Variants in MED14 observed in about 807,000 individuals in gnomAD.
MED14 encodes the protein mediator complex subunit 14.
A neutral mutation model predicts 109.0 loss-of-function variants in MED14; 8 were observed. The observed-to-expected ratio is 0.07, with a 90% confidence interval of 0.04 to 0.13. MED14 has a LOEUF of 0.13. MED14 is among the 10% of genes least tolerant of loss of function. The pLI is 1.00. For synonymous variants in MED14, 399 were observed against 408.7 expected (o/e 0.98, Z 0.29); for missense variants, 711 against 1,142.4 (o/e 0.62, Z 5.44).
chrX:40,727,148 T>C (rs753735694), intron 2 of MED14, among the ~76,000 whole-genome samples: 34 of 112,151 alleles, frequency 3.0e-4, no homozygotes, highest in African/African-American at 1.1e-3. Context: ...CTAAATTCAG[T>C]ATATGGTGGT....
rs527749505 is a variant in MED14, at chrX:40,654,563, A to G, written c.4099-7T>C. ...TTTTCTGAGTTAGTTGAAGCTGTAT[A>G]CACACAACACACACAAAGAGAATAA... On this transcript the variant is annotated splice_polypyrimidine_tract_variant and splice_region_variant and intron_variant, in intron 29 of 30. Coordinates refer to ENST00000324817, the MANE Select transcript of MED14 (RefSeq NM_004229.4). 4.2e-6 allele frequency: 5 copies of G among 1,195,249 alleles called. No individual in the cohort carries two copies. Among genetic ancestry groups the G allele is most frequent in the African/African-American group, 3.5e-5 (2 of 57,492 alleles).
At chrX:40,700,618 T>C (rs1202755941) in intron 12 of MED14, among the ~76,000 whole-genome samples, 1 of 110,913 alleles carries the variant, frequency 9.0e-6, no homozygotes, top group African/African-American at 3.3e-5. Context: ...AAAGAGTTTG[T>C]TAGAGTTGCT....
chrX:40,659,876 G>T (rs1929198608), intron 26 of MED14: 1 of 243,340 alleles, frequency 4.1e-6, no homozygotes, highest in East Asian at 7.5e-5. Context: ...GCAGTAGTTT[G>T]ATCCAGAGGA....
At chrX:40,699,691 A>G (rs1322198569) in intron 12 of MED14, among the ~76,000 whole-genome samples, 1 of 112,343 alleles carries the variant, frequency 8.9e-6, no homozygotes, top group African/African-American at 3.2e-5. Context: ...AGGATATTTA[A>G]ACCTTGCTTA....
At chrX:40,684,147 T>C (rs1017931899) in intron 16 of MED14, among the ~76,000 whole-genome samples, 3 of 112,056 alleles carry the variant, frequency 2.7e-5, no homozygotes, top group African/African-American at 6.5e-5. Flanking sequence ...ATTCAGAATA[T>C]AACAAAGTTT....
intron 13 of MED14, among the ~76,000 whole-genome samples, chrX:40,696,355 T>C (rs1352282510): frequency 9.1e-6 from 1 of 109,420 alleles, no homozygotes; most frequent in Non-Finnish European, 1.9e-5. Context: ...TTAGCCAGGA[T>C]GGTCTCAATC....
Position 40,651,273 on chromosome X carries a change from T to C in MED14, c.*533A>G, listed in dbSNP as rs1002050013. 2.7e-6 allele frequency: 2 copies of C among 753,047 alleles called. No individual in the cohort carries two copies. The highest frequency in any genetic ancestry group is 1.8e-4 in the Admixed American group (2 of 11,402). The allele number at this position is 753,047 out of a possible 1,213,427, so 62.1% of individuals were successfully genotyped here. A position where few individuals can be genotyped will look rare whatever the true frequency, so the allele number is the denominator to read the frequency against. ...TACACACAAGTGAGTGTCACTGTTT[T>C]GTTTTGTTTTTGACCTAGTTTTATT... is the stretch of plus-strand genomic sequence containing the variant. On this transcript the variant is annotated 3_prime_UTR_variant, in exon 31 of 31. Coordinates refer to ENST00000324817, the MANE Select transcript of MED14 (RefSeq NM_004229.4).
At chrX:40,700,247 T>G (rs1483690166) in intron 12 of MED14, among the ~76,000 whole-genome samples, 2 of 107,126 alleles carry the variant, frequency 1.9e-5, no homozygotes, top group African/African-American at 6.8e-5. Flanking sequence ...TCCCAGCTAC[T>G]TAGGAGGCTG....
At chrX:40,670,767 C>CA (rs35103655) in intron 23 of MED14, among the ~76,000 whole-genome samples, 3,124 of 79,131 alleles carry the variant, frequency 0.039, 167 homozygotes, top group African/African-American at 0.15. Flanking sequence ...GACTCTGTCT[C>CA]AAAAAAAAAA....
chrX:40,659,207 T>A lies in MED14; in HGVS notation c.3972+20A>T. 9.2e-7 allele frequency: 1 copy of A among 1,082,229 alleles called. No homozygotes were observed. The highest frequency in any genetic ancestry group is 1.2e-6 in the Non-Finnish European group (1 of 808,559). 89.2% of individuals were successfully genotyped at this position (1,082,229 alleles called of 1,213,427 possible). A position where few individuals can be genotyped will look rare whatever the true frequency, so the allele number is the denominator to read the frequency against. Reference sequence around the variant, plus strand: ...CTCCTCAAACAAACCTTGCTAGAAATGTATATCTCTGTGACTTACCAGCTC... The same window carrying A: ...CTCCTCAAACAAACCTTGCTAGAAAAGTATATCTCTGTGACTTACCAGCTC... On this transcript the variant is annotated intron_variant, in intron 28 of 30. Transcript: ENST00000324817.
intron 2 of MED14, among the ~76,000 whole-genome samples, chrX:40,727,123 G>T (rs1345819780): frequency 8.9e-6 from 1 of 111,962 alleles, no homozygotes; most frequent in Non-Finnish European, 1.9e-5. Context: ...AATAAAAGTT[G>T]TTTACAAAAA....
At chrX:40,708,389 A>AT (rs1246865861) in intron 10 of MED14, among the ~76,000 whole-genome samples, 4 of 111,497 alleles carry the variant, frequency 3.6e-5, no homozygotes, top group African/African-American at 6.5e-5. Context: ...CCTTCAGGCA[A>AT]TTTTTTAAAA....
At chrX:40,679,172 A>T (rs771961932) in intron 21 of MED14, among the ~76,000 whole-genome samples, 3 of 111,898 alleles carry the variant, frequency 2.7e-5, no homozygotes, top group Non-Finnish European at 5.6e-5. Context: ...GGTTACTGTG[A>T]TTCTAGCACT....
intron 10 of MED14, among the ~76,000 whole-genome samples, 183 bp from the exon 11 acceptor site, chrX:40,703,752 G>A (rs996700729): frequency 1.8e-5 from 2 of 112,270 alleles, no homozygotes; most frequent in Non-Finnish European, 3.8e-5. Flanking sequence ...AGGAAAGAAT[G>A]TAATTTTCAA....
chrX:40,720,478 C>T (rs952296406), intron 3 of MED14, among the ~76,000 whole-genome samples: 9 of 111,992 alleles, frequency 8.0e-5, no homozygotes, highest in Non-Finnish European at 1.7e-4. Context: ...AATTGCCCAT[C>T]GCAGCGGTTG....
intron 4 of MED14, among the ~76,000 whole-genome samples, chrX:40,714,136 T>C (rs1931432798): frequency 8.9e-6 from 1 of 111,837 alleles, no homozygotes; most frequent in East Asian, 2.8e-4. Context: ...TAATGCTCTA[T>C]TTATAAACCA....
chrX:40,709,436 T>G lies in MED14; in HGVS notation c.1197A>C (p.Lys399Asn), dbSNP rs774500049. ...AMKIDHLSIE[K>N]LLIDSVHARA... is the part of the protein sequence containing the mutation. ...TTGCATGGACACTGTCAATCAGGAGTTTTTCTATTGATAAGTGGTCGATCT... is the reference window on the plus strand; with the variant it reads ...TTGCATGGACACTGTCAATCAGGAGGTTTTCTATTGATAAGTGGTCGATCT... The change falls in exon 10 of 31, where the codon AAA becomes AAC. Residue 399 changes from lysine (K) to asparagine (N), a missense_variant. Physicochemically the swap from Lys to Asn is moderately conservative, Grantham distance 94. Transcript: ENST00000324817. The G allele has an allele frequency of 8.9e-7, 1 of 1,126,163 alleles. No individual in the cohort carries two copies. The highest frequency in any genetic ancestry group is 2.2e-5 in the South Asian group (1 of 45,348). 92.8% of individuals were successfully genotyped at this position (1,126,163 alleles called of 1,213,427 possible).
intron 13 of MED14, among the ~76,000 whole-genome samples, chrX:40,696,582 A>G (rs1930734616): frequency 8.9e-6 from 1 of 112,004 alleles, no homozygotes; most frequent in South Asian, 3.7e-4. Flanking sequence ...CTGTGCACTA[A>G]AAGGAACACA....
chrX:40,690,046 GC>G (rs1180207104), intron 15 of MED14, among the ~76,000 whole-genome samples: 1 of 112,067 alleles, frequency 8.9e-6, no homozygotes, highest in East Asian at 2.8e-4. Flanking sequence ...GCATTGCTTT[GC>G]CTCAGCACCA....
Sources: allele counts gnomAD v4.1 joint callset (sites outside exome capture counted in the v4.1 genomes callset), GRCh38; gene constraint gnomAD v4.1.1; transcripts MANE v1.5; gene names NCBI Gene and HGNC (gene_info 2026-07-23, HGNC 2026-07-21).